CNKSR2: variants seen among roughly 807,000 people sequenced by gnomAD.
CNKSR2 encodes CNK homolog protein 2.
Under a neutral mutation model 84.4 loss-of-function variants are expected in CNKSR2, and 14 were observed. The observed-to-expected ratio is 0.17, with a 90% CI of 0.11 to 0.26. CNKSR2 has a LOEUF of 0.26. Ranked by LOEUF, CNKSR2 falls within the 10% of genes least tolerant of loss-of-function variation. The probability of loss-of-function intolerance (pLI) is 1.00; values close to 1 mark genes in which losing one functional copy is unlikely to be tolerated. For synonymous variants in CNKSR2, 275 were observed against 277.9 expected (o/e 0.99, Z 0.10); for missense variants, 485 against 771.2 (o/e 0.63, Z 4.40).
chrX:21,569,918 T>C (rs1458311167), intron 13 of CNKSR2, among the ~76,000 whole-genome samples: 1 of 112,261 alleles, frequency 8.9e-6, no homozygotes, highest in Non-Finnish European at 1.9e-5. Flanking sequence ...TAGGTCCCAA[T>C]GATGGGCTTA....
intron 1 of CNKSR2, among the ~76,000 whole-genome samples, chrX:21,392,386 G>C (rs749666413): frequency 1.8e-5 from 2 of 112,267 alleles, no homozygotes; most frequent in East Asian, 2.8e-4. Flanking sequence ...TTGGCTCACA[G>C]TTCCACAGGC....
intron 18 of CNKSR2, among the ~76,000 whole-genome samples, chrX:21,602,383 A>ACC (rs2092488091): frequency 9.0e-6 from 1 of 110,834 alleles, no homozygotes; most frequent in Non-Finnish European, 1.9e-5. Flanking sequence ...CTGGTCCCAA[A>ACC]CCCCCGGGCT....
intron 4 of CNKSR2, among the ~76,000 whole-genome samples, chrX:21,451,531 A>G (rs1160147515): frequency 9.1e-6 from 1 of 109,658 alleles, no homozygotes; most frequent in African/African-American, 3.3e-5. Flanking sequence ...AAAAATGATG[A>G]GTTCATGTCC....
intron 7 of CNKSR2, 151 bp downstream of exon 7, chrX:21,497,997 T>C (rs2091519841): frequency 6.0e-6 from 2 of 335,365 alleles, no homozygotes; most frequent in Non-Finnish European, 1.1e-5. Flanking sequence ...GTTAGTAGCA[T>C]TCATTCTGTT....
chrX:21,600,105 A>G (rs910453856), intron 17 of CNKSR2, among the ~76,000 whole-genome samples: 6 of 112,090 alleles, frequency 5.4e-5, no homozygotes, highest in African/African-American at 1.6e-4. Context: ...TAATTGACCT[A>G]TTCTTACAAT....
intron 1 of CNKSR2, among the ~76,000 whole-genome samples, chrX:21,406,834 T>G (rs1231664124): frequency 1.8e-5 from 2 of 112,139 alleles, no homozygotes; most frequent in Non-Finnish European, 3.8e-5. Flanking sequence ...ATATTAATCC[T>G]GTTGCCAAAT....
chrX:21,614,253 A>T (rs1053884723), intron 20 of CNKSR2, among the ~76,000 whole-genome samples: 4 of 111,678 alleles, frequency 3.6e-5, no homozygotes, highest in Non-Finnish European at 7.5e-5. Flanking sequence ...TTAAAGTAGG[A>T]GATATGTAGA....
intron 4 of CNKSR2, among the ~76,000 whole-genome samples, chrX:21,456,145 G>A (rs185703357): frequency 2.3e-3 from 253 of 111,664 alleles, no homozygotes; most frequent in African/African-American, 7.7e-3. Context: ...TACACATTAT[G>A]AAATAATTAC....
intron 7 of CNKSR2, among the ~76,000 whole-genome samples, chrX:21,500,713 A>T (rs1484512898): frequency 9.0e-6 from 1 of 111,345 alleles, no homozygotes; most frequent in Admixed American, 9.5e-5. Context: ...GTATTAGCTT[A>T]CCAAGTTTGT....
At chrX:21,400,833 T>C (rs1277184781) in intron 1 of CNKSR2, among the ~76,000 whole-genome samples, 2 of 111,579 alleles carry the variant, frequency 1.8e-5, no homozygotes, top group Admixed American at 1.9e-4. Context: ...ATGAATAAAA[T>C]GCCTTAATTC....
chrX:21,488,504 A>G (rs1194899230), intron 5 of CNKSR2, among the ~76,000 whole-genome samples: 2 of 111,605 alleles, frequency 1.8e-5, no homozygotes, highest in Non-Finnish European at 3.8e-5. Context: ...TGTTCTTTCT[A>G]TGGGTATTGG....
chrX:21,392,660 G>A (rs1455217480), intron 1 of CNKSR2, among the ~76,000 whole-genome samples: 2 of 111,527 alleles, frequency 1.8e-5, no homozygotes, highest in Non-Finnish European at 3.8e-5. Flanking sequence ...TGAGATTTGG[G>A]TGGGGACAGA....
At chrX:21,438,815 A>G (rs759041629) in intron 3 of CNKSR2, among the ~76,000 whole-genome samples, 1 of 111,622 alleles carries the variant, frequency 9.0e-6, no homozygotes, top group Non-Finnish European at 1.9e-5. Context: ...ACATATGTGA[A>G]TATTCATATT....
chrX:21,639,884 A>C (rs2092686118), intron 20 of CNKSR2, among the ~76,000 whole-genome samples: 1 of 111,221 alleles, frequency 9.0e-6, no homozygotes, highest in Non-Finnish European at 1.9e-5. Flanking sequence ...AGGGCCCAGA[A>C]ATCTGTGTTT....
chrX:21,635,771 T>G (rs1464958607), intron 20 of CNKSR2, among the ~76,000 whole-genome samples: 1 of 110,340 alleles, frequency 9.1e-6, no homozygotes, highest in Non-Finnish European at 1.9e-5. Flanking sequence ...TTGGAGTGGG[T>G]TCTGATGAAG....
intron 1 of CNKSR2, among the ~76,000 whole-genome samples, chrX:21,388,506 G>A (rs1450115809): frequency 8.9e-6 from 1 of 111,936 alleles, no homozygotes; most frequent in Non-Finnish European, 1.9e-5. Flanking sequence ...AAGTAAGGAA[G>A]TGTTCAAAAA....
At chrX:21,584,707 G>T (rs2092374659) in intron 13 of CNKSR2, among the ~76,000 whole-genome samples, 1 of 111,433 alleles carries the variant, frequency 9.0e-6, no homozygotes, top group Non-Finnish European at 1.9e-5. Flanking sequence ...CAAGGGTGAA[G>T]GTCTTGGGAT....
At chrX:21,452,321 T>C (rs2090943733) in intron 4 of CNKSR2, among the ~76,000 whole-genome samples, 1 of 111,444 alleles carries the variant, frequency 9.0e-6, no homozygotes, top group Admixed American at 9.5e-5. Flanking sequence ...CTCGAACTCC[T>C]GACCTCATGA....
intron 20 of CNKSR2, among the ~76,000 whole-genome samples, chrX:21,619,047 T>C (rs1012866359): frequency 8.9e-6 from 1 of 112,135 alleles, no homozygotes; most frequent in Non-Finnish European, 1.9e-5. Context: ...GTGCAAGATA[T>C]TTTATTTTTA....
Sources: gnomAD v4.1 joint callset for allele counts (sites outside exome capture counted in the v4.1 genomes callset) on GRCh38, gnomAD v4.1.1 for gene constraint, MANE v1.5 for transcripts, NCBI Gene and HGNC (gene_info 2026-07-23, HGNC 2026-07-21) for gene names.